The following ALPK2 variants were observed in gnomAD, a reference collection of about 807,000 sequenced individuals.
ALPK2 encodes alpha-protein kinase 2.
Under a neutral mutation model 163.1 loss-of-function variants are expected in ALPK2, and 127 were observed. The ratio of observed to expected loss-of-function variants is 0.78; its 90% CI spans 0.67 to 0.90. ALPK2 has a LOEUF of 0.90. Ranked by LOEUF, ALPK2 falls within the 40% of genes least tolerant of loss-of-function variation. ALPK2 has a pLI of 0.00. For synonymous variants in ALPK2, 953 were observed against 959.1 expected (o/e 0.99, Z 0.12); for missense variants, 2,360 against 2,589.6 (o/e 0.91, Z 1.92).
intron 1 of ALPK2, among the ~76,000 whole-genome samples, chr18:58,624,070 G>T (rs925328980): frequency 6.6e-6 from 1 of 152,116 alleles, no homozygotes; most frequent in Non-Finnish European, 1.5e-5. Context: ...CTCGGCTGGC[G>T]ATTCCTCACC....
chr18:58,564,123 CT>C (rs10689097), intron 4 of ALPK2, among the ~76,000 whole-genome samples: 34 of 102,450 alleles, frequency 3.3e-4, no homozygotes, highest in Admixed American at 4.8e-4. Context: ...TGTCTTTGTT[CT>C]TTTTTTTTTT....
chr18:58,510,993 G>C (rs992680130), intron 10 of ALPK2, among the ~76,000 whole-genome samples: 4 of 152,130 alleles, frequency 2.6e-5, no homozygotes, highest in African/African-American at 7.2e-5. Context: ...TCCAGTTTTT[G>C]CCCATTCAGT....
At chr18:58,539,368 G>A (rs1013609192) in intron 4 of ALPK2, among the ~76,000 whole-genome samples, 1 of 152,120 alleles carries the variant, frequency 6.6e-6, no homozygotes, top group South Asian at 2.1e-4. Context: ...AGAGAGGAAG[G>A]CAGAGAAAAA....
intron 4 of ALPK2, among the ~76,000 whole-genome samples, chr18:58,562,749 GGAAGTCCAA>G (rs1048674571): frequency 1.3e-5 from 2 of 152,194 alleles, no homozygotes; most frequent in African/African-American, 4.8e-5. Context: ...ATGGAAGCTG[GGAAGTCCAA>G]GACAAGGTGC....
At chr18:58,583,685 A>T (rs922072893) in intron 3 of ALPK2, among the ~76,000 whole-genome samples, 81 of 149,704 alleles carry the variant, frequency 5.4e-4, no homozygotes, top group African/African-American at 2.0e-3. Context: ...ATGGTGATAC[A>T]CACCAGTAGT....
intron 10 of ALPK2, among the ~76,000 whole-genome samples, chr18:58,510,066 G>A (rs1385050466): frequency 6.6e-6 from 1 of 152,194 alleles, no homozygotes; most frequent in African/African-American, 2.4e-5. Context: ...TTTATATAAG[G>A]TGTAAGGAAG....
intron 10 of ALPK2, among the ~76,000 whole-genome samples, chr18:58,507,824 A>G (rs1273349724): frequency 1.3e-5 from 2 of 152,234 alleles, no homozygotes; most frequent in African/African-American, 4.8e-5. Context: ...TTTAACAAAC[A>G]CAGATGGTAA....
At chr18:58,543,403 T>C (rs2051701564) in intron 4 of ALPK2, 1 of 985,256 alleles carries the variant, frequency 1.0e-6, no homozygotes, top group Non-Finnish European at 1.2e-6. Flanking sequence ...ACACAGGAGC[T>C]TGTGGAGGCA....
chr18:58,539,708 G>A (rs1484055705), intron 4 of ALPK2, among the ~76,000 whole-genome samples: 2 of 152,158 alleles, frequency 1.3e-5, no homozygotes, highest in African/African-American at 2.4e-5. Flanking sequence ...ACAAAACAGA[G>A]CTGAAATGTT....
intron 4 of ALPK2, 83 bp from the exon 5 acceptor site, chr18:58,538,307 A>C (rs536270652): frequency 8.2e-7 from 1 of 1,221,388 alleles, no homozygotes; most frequent in South Asian, 1.4e-5. Flanking sequence ...AAGAGTGTTA[A>C]TCCTCAATGA....
intron 3 of ALPK2, among the ~76,000 whole-genome samples, chr18:58,592,189 A>G (rs891840808): frequency 2.6e-5 from 4 of 152,330 alleles, no homozygotes; most frequent in African/African-American, 9.6e-5. Flanking sequence ...GCAACTATAC[A>G]TGCTTAGCAC....
At position 58,517,074 on chromosome 18, in the gene ALPK2, A is replaced by G. The variant is rs777547519; in HGVS notation, c.5774T>C (p.Phe1925Ser). The G allele has an allele frequency of 5.0e-6, 8 of 1,614,246 alleles. No homozygotes were observed. The highest frequency in any genetic ancestry group is 6.8e-6 in the Non-Finnish European group (8 of 1,180,036). The change falls in exon 9 of 13, where the codon TTT becomes TCT. Residue 1925 changes from phenylalanine to serine, a missense_variant. Physicochemically the swap from Phe to Ser is radical, Grantham distance 155 (BLOSUM62 -2). Transcript: ENST00000361673. Reference sequence around the variant, plus strand: ...GGCTTTGCGGTGAACCCCTTCTCCAAAGTGCAGCTCCTCCGTGGCGATCTG... The same window carrying G: ...GGCTTTGCGGTGAACCCCTTCTCCAGAGTGCAGCTCCTCCGTGGCGATCTG... Reference protein sequence around the residue: ...RGQIATEELHFGEGVHRKAFR... With the variant: ...RGQIATEELHSGEGVHRKAFR...
chr18:58,490,600 A>G (rs1006160405), intron 12 of ALPK2, among the ~76,000 whole-genome samples: 7 of 151,806 alleles, frequency 4.6e-5, no homozygotes, highest in Admixed American at 2.6e-4. Context: ...CCCTGGCTCT[A>G]TGTTCCCTCA....
At chr18:58,528,941 T>G in intron 6 of ALPK2, 150 bp downstream of exon 6, 12 of 924,232 alleles carry the variant, frequency 1.3e-5, no homozygotes, top group African/African-American at 1.7e-5. Flanking sequence ...TGTCTTCCGA[T>G]ATTTAGTCTT....
intron 10 of ALPK2, among the ~76,000 whole-genome samples, chr18:58,509,378 T>G (rs1426421714): frequency 6.6e-6 from 1 of 152,170 alleles, no homozygotes; most frequent in Non-Finnish European, 1.5e-5. Context: ...GCATGATTTA[T>G]AATCCTTTGG....
At chr18:58,626,805 G>GTTTGAT (rs59641732) in intron 1 of ALPK2, among the ~76,000 whole-genome samples, 47,573 of 151,392 alleles carry the variant, frequency 0.31, 7,523 homozygotes, top group East Asian at 0.35. Flanking sequence ...GTGTTATGTT[G>GTTTGAT]TATTGCACTG....
intron 8 of ALPK2, 79 bp downstream of exon 8, chr18:58,523,727 T>G: frequency 6.4e-7 from 1 of 1,565,948 alleles, no homozygotes; most frequent in Non-Finnish European, 8.8e-7. Flanking sequence ...GATTACTGCT[T>G]CTACTCTTTC....
At chr18:58,612,710 G>A (rs1285230068) in intron 1 of ALPK2, among the ~76,000 whole-genome samples, 1 of 152,192 alleles carries the variant, frequency 6.6e-6, no homozygotes, top group African/African-American at 2.4e-5. Context: ...GGCGCAGGTT[G>A]GTCTGAATCC....
intron 3 of ALPK2, among the ~76,000 whole-genome samples, chr18:58,600,271 A>G (rs1329189609): frequency 2.0e-5 from 3 of 152,050 alleles, no homozygotes; most frequent in Admixed American, 6.6e-5. Flanking sequence ...TCCTGACCTC[A>G]AGAGATCTGC....
Sources: allele counts gnomAD v4.1 joint callset (sites outside exome capture counted in the v4.1 genomes callset), GRCh38; gene constraint gnomAD v4.1.1; transcripts MANE v1.5; gene names NCBI Gene and HGNC (gene_info 2026-07-23, HGNC 2026-07-21).